Variants in ITPR1 observed in about 807,000 individuals in gnomAD.
ITPR1 encodes the protein inositol 1,4,5-trisphosphate receptor type 1, also known as inositol 1,4,5-trisphosphate-gated calcium channel ITPR1.
A neutral mutation model predicts 318.4 loss-of-function variants in ITPR1; 96 were observed. The observed-to-expected ratio is 0.30, with a 90% CI of 0.26 to 0.36. The LOEUF (loss-of-function observed/expected upper bound fraction) is 0.36. Ranked by LOEUF, ITPR1 falls within the 10% of genes least tolerant of loss-of-function variation. The pLI, the probability that ITPR1 is intolerant of heterozygous loss-of-function variation, is 1.00. For synonymous variants in ITPR1, 1,312 were observed against 1,289.9 expected (o/e 1.02, Z -0.37); for missense variants, 2,440 against 3,460.2 (o/e 0.71, Z 7.40).
intron 47 of ITPR1, among the ~76,000 whole-genome samples, chr3:4,775,911 G>A (rs2046454885): frequency 6.6e-6 from 1 of 152,202 alleles, no homozygotes; most frequent in Non-Finnish European, 1.5e-5. Flanking sequence ...TAAACATCAT[G>A]GACATTCAGG....
intron 5 of ITPR1, among the ~76,000 whole-genome samples, chr3:4,628,708 G>T (rs1575797199): frequency 6.6e-6 from 1 of 152,244 alleles, no homozygotes; most frequent in South Asian, 2.1e-4. Context: ...TTTCTTGAGG[G>T]CCCAGGTCTG....
chr3:4,821,771 G>T (rs1266978036), intron 60 of ITPR1, among the ~76,000 whole-genome samples: 2 of 152,206 alleles, frequency 1.3e-5, no homozygotes, highest in Non-Finnish European at 2.9e-5. Flanking sequence ...TCTTCTCCCT[G>T]TAGATAGAAA....
rs530728694 is a variant in ITPR1, at chr3:4,533,124, G to A, written c.163+12030G>A. Among the ~76,000 whole-genome samples, 10 of 152,304 alleles carry A rather than the reference G, an allele frequency of 6.6e-5. No homozygotes were observed. In the South Asian group the frequency reaches 2.1e-3, roughly 32 times the overall value. On this transcript the variant is annotated intron_variant, in intron 4 of 61. Transcript: ENST00000649015. ...CAGCTGGGGAGAGCACAGATGCACTGTAGACAAGAAACTCTCTGGAAACTG... is the reference window on the plus strand; with the variant it reads ...CAGCTGGGGAGAGCACAGATGCACTATAGACAAGAAACTCTCTGGAAACTG...
At chr3:4,573,263 GCTT>G (rs1189127933) in intron 4 of ITPR1, among the ~76,000 whole-genome samples, 1 of 151,886 alleles carries the variant, frequency 6.6e-6, no homozygotes, top group African/African-American at 2.4e-5. Context: ...TCTTTTTTTG[GCTT>G]CTCTATTTCA....
rs2093402454 is a variant in ITPR1, at chr3:4,644,200, G to A, written c.590G>A (p.Ser197Asn). The A allele has an allele frequency of 1.2e-6, 2 of 1,610,194 alleles. No homozygotes were observed. The highest frequency in any genetic ancestry group is 1.3e-5 in the African/African-American group (1 of 74,872). Residue 197 changes from serine to asparagine, a missense_variant, in exon 8 of 62, where the codon AGC (serine) becomes AAC (asparagine). Transcript: ENST00000649015. ...VNAGQPLHAS[S>N]HQLVDNPGCN... Reference sequence around the variant, plus strand: ...GCTGGTCAGCCCCTACATGCTAGCAGCCATCAACTGGTAGATAACCCAGGC... The same window carrying A: ...GCTGGTCAGCCCCTACATGCTAGCAACCATCAACTGGTAGATAACCCAGGC...
chr3:4,732,277 A>G (rs1185348080), intron 42 of ITPR1, among the ~76,000 whole-genome samples: 1 of 152,218 alleles, frequency 6.6e-6, no homozygotes, highest in Non-Finnish European at 1.5e-5. Flanking sequence ...TTTGATATTT[A>G]TATTTTTAAA....
At chr3:4,784,914 C>T (rs1413324304) in intron 51 of ITPR1, among the ~76,000 whole-genome samples, 3 of 151,848 alleles carry the variant, frequency 2.0e-5, no homozygotes, top group South Asian at 4.2e-4. Flanking sequence ...GAAAAAGTGT[C>T]ATGATGCATT....
Position 4,673,416 on chromosome 3 carries a change from T to A in ITPR1, c.2456+29T>A, listed in dbSNP as rs765477985. ...AGCCTGGCACCTGAAAACCTCACTT[T>A]ACATTATTCTGTGCGGCAGTAGATA... On this transcript the variant is annotated intron_variant, in intron 21 of 61. Transcript: ENST00000649015. The A allele has an allele frequency of 7.0e-6, 11 of 1,573,996 alleles. No individual in the cohort carries two copies. The African/African-American group carries it at 1.2e-4, about 17-fold the overall frequency.
intron 52 of ITPR1, among the ~76,000 whole-genome samples, chr3:4,788,617 C>G (rs1430139980): frequency 6.6e-6 from 1 of 152,212 alleles, no homozygotes; most frequent in Non-Finnish European, 1.5e-5. Flanking sequence ...TCATTTGCCA[C>G]ATAAGGTGCA....
Position 4,709,898 on chromosome 3 carries a change from C to G in ITPR1, c.4843-427C>G, listed in dbSNP as rs2041225539. On this transcript the variant is annotated intron_variant, in intron 37 of 61. Coordinates refer to ENST00000649015, the MANE Select transcript of ITPR1 (RefSeq NM_001378452.1). ...CTGTAATCCCACCACCCAGAGAAAA[C>G]CAGTAGTAATGTTTTAATATTTGAT... Among the ~76,000 whole-genome samples, 3 of 152,080 alleles carry G rather than the reference C, an allele frequency of 2.0e-5. No individual in the cohort carries two copies. The South Asian group carries it at 6.2e-4, about 31-fold the overall frequency.
chr3:4,665,381 T>G, intron 17 of ITPR1, 85 bp downstream of exon 17: 1 of 1,266,340 alleles, frequency 7.9e-7, no homozygotes, highest in Non-Finnish European at 1.1e-6. Flanking sequence ...TAGTGTCACA[T>G]GTCTATTTAT....
intron 4 of ITPR1, among the ~76,000 whole-genome samples, chr3:4,549,183 A>C (rs1468598937): frequency 6.6e-6 from 1 of 152,234 alleles, no homozygotes; most frequent in Non-Finnish European, 1.5e-5. Context: ...CTTATAATAC[A>C]TAGTTTAAAT....
chr3:4,802,487 A>G (rs753743930), intron 54 of ITPR1, among the ~76,000 whole-genome samples: 1 of 152,122 alleles, frequency 6.6e-6, no homozygotes, highest in Non-Finnish European at 1.5e-5. Context: ...TGAGTCTTGG[A>G]CATAGTGTAG....
intron 4 of ITPR1, among the ~76,000 whole-genome samples, chr3:4,585,990 A>G (rs1166003355): frequency 6.7e-6 from 1 of 150,278 alleles, no homozygotes; most frequent in African/African-American, 2.5e-5. Flanking sequence ...TCATTGTTCA[A>G]TTCCCACTTA....
chr3:4,522,287 G>T (rs1394454590), intron 4 of ITPR1, among the ~76,000 whole-genome samples: 1 of 152,206 alleles, frequency 6.6e-6, no homozygotes, highest in Non-Finnish European at 1.5e-5. Context: ...GATGACTTCA[G>T]TCCCAAAGGG....
chr3:4,777,991 T>C lies in ITPR1; in HGVS notation c.6291+617T>C, dbSNP rs374533567. On this transcript the variant is annotated intron_variant, in intron 48 of 61. Transcript: ENST00000649015. ...CAAATGCGGGACTGCAGGTGACTGATGTGGAAGCCCCACTGACATTTGGAC... is the reference window on the plus strand; with the variant it reads ...CAAATGCGGGACTGCAGGTGACTGACGTGGAAGCCCCACTGACATTTGGAC... Among the ~76,000 whole-genome samples, 13 of 152,346 alleles carry C rather than the reference T, an allele frequency of 8.5e-5. 1 individual carries two copies. The highest frequency in any genetic ancestry group is 1.3e-4 in the Admixed American group (2 of 15,310).
chr3:4,845,995 G>A (rs1217602723), intron 61 of ITPR1, 144 bp from the exon 62 acceptor site: 1 of 488,360 alleles, frequency 2.0e-6, no homozygotes, highest in Non-Finnish European at 3.7e-6. Flanking sequence ...GAAGTGCTGT[G>A]TGTTTGATAT....
intron 61 of ITPR1, among the ~76,000 whole-genome samples, chr3:4,845,771 T>G (rs1271492699): frequency 6.6e-6 from 1 of 152,204 alleles, no homozygotes. Flanking sequence ...CTGCTTTTCT[T>G]GTTAGTATGG....
intron 60 of ITPR1, among the ~76,000 whole-genome samples, chr3:4,829,952 C>A (rs1575407181): frequency 5.8e-5 from 6 of 104,324 alleles, no homozygotes; most frequent in East Asian, 3.0e-4. Flanking sequence ...ACATGTATAA[C>A]AGTTTTTTTT....
Sources: gnomAD v4.1 joint callset for allele counts (sites outside exome capture counted in the v4.1 genomes callset) on GRCh38, gnomAD v4.1.1 for gene constraint, MANE v1.5 for transcripts, NCBI Gene and HGNC (gene_info 2026-07-23, HGNC 2026-07-21) for gene names.